GMDS: variants seen among roughly 807,000 people sequenced by gnomAD.
The protein encoded by GMDS is GDP-mannose 4,6 dehydratase.
A neutral mutation model predicts 49.9 loss-of-function variants in GMDS; 20 were observed. The observed-to-expected ratio is 0.40, with a 90% CI of 0.28 to 0.58. GMDS has a LOEUF of 0.58. Among genes scored for constraint, GMDS ranks in the 20% least tolerant of loss-of-function variants. The pLI, the probability that GMDS is intolerant of heterozygous loss-of-function variation, is 0.42. For synonymous variants in GMDS, 177 were observed against 178.6 expected, an observed-to-expected ratio of 0.99 and a Z score of 0.07; for missense variants, 362 against 481.4, an observed-to-expected ratio of 0.75 and a Z score of 2.32.
intron 7 of GMDS, among the ~76,000 whole-genome samples, chr6:1,794,737 C>G (rs1335386506): frequency 1.3e-5 from 2 of 152,174 alleles, no homozygotes; most frequent in Non-Finnish European, 2.9e-5. Flanking sequence ...TATATGTGTA[C>G]TATTCGGGAC....
intron 1 of GMDS, among the ~76,000 whole-genome samples, chr6:2,223,659 T>C (rs1290986956): frequency 6.6e-6 from 1 of 152,082 alleles, no homozygotes; most frequent in African/African-American, 2.4e-5. Flanking sequence ...GACGATAGGA[T>C]GACTCCAAGA....
rs6934835 is a variant in GMDS at position 1,783,330 on chromosome 6, C to T, written c.772-40744G>A. ...GGGAGATCTTGCTCCTGAGGTTCCA[C>T]GGGGTGCAGGTGCAAGTCTTAATGG... On this transcript the variant is annotated intron_variant, in intron 7 of 10. Coordinates refer to ENST00000380815, the MANE Select transcript of GMDS (RefSeq NM_001500.4). Among the ~76,000 whole-genome samples, 92 of 152,270 alleles carry T rather than the reference C, an allele frequency of 6.0e-4. No individual in the cohort carries two copies. In the East Asian group the frequency reaches 0.013, roughly 22 times the overall value.
At chr6:2,091,500 TC>T (rs1225887333) in intron 4 of GMDS, among the ~76,000 whole-genome samples, 2 of 152,174 alleles carry the variant, frequency 1.3e-5, no homozygotes, top group Non-Finnish European at 2.9e-5. Context: ...ATAAGTTTAG[TC>T]ACTAGAACAA....
chr6:2,017,997 A>T (rs1002762228), intron 4 of GMDS, among the ~76,000 whole-genome samples: 2 of 152,212 alleles, frequency 1.3e-5, no homozygotes, highest in African/African-American at 4.8e-5. Context: ...AATAATTTTT[A>T]AATTTAAAAT....
intron 4 of GMDS, among the ~76,000 whole-genome samples, chr6:1,999,308 G>A (rs185098306): frequency 0.012 from 1,400 of 116,006 alleles, 8 homozygotes; most frequent in Non-Finnish European, 0.018. Flanking sequence ...GTGACAGAGC[G>A]AGACTCTGTC....
At chr6:2,204,163 A>G (rs2127578515) in intron 1 of GMDS, among the ~76,000 whole-genome samples, 1 of 152,164 alleles carries the variant, frequency 6.6e-6, no homozygotes, top group Admixed American at 6.5e-5. Flanking sequence ...ATCAATCACC[A>G]CAGCTGTGGG....
At position 2,138,119 on chromosome 6, in the gene GMDS, C is replaced by A. The variant is rs1020613918; in HGVS notation, c.103-13388G>T. Among the ~76,000 whole-genome samples, 13 of 152,240 alleles carry A rather than the reference C, an allele frequency of 8.5e-5. No homozygotes were observed. The East Asian group carries it at 2.5e-3, about 29-fold the overall frequency. On this transcript the variant is annotated intron_variant, in intron 1 of 10. Transcript: ENST00000380815. ...ATGTTCTTAAAACATTCAAAAATAT[C>A]TCTGCCACAAATCTGTTATTTTTGG...
chr6:1,886,067 C>A (rs1759593049), intron 7 of GMDS, among the ~76,000 whole-genome samples: 2 of 152,154 alleles, frequency 1.3e-5, no homozygotes, highest in African/African-American at 2.4e-5. Flanking sequence ...GGTCATTTGT[C>A]TGAGAAAAGA....
At chr6:1,892,102 A>C (rs924923958) in intron 7 of GMDS, among the ~76,000 whole-genome samples, 4 of 152,204 alleles carry the variant, frequency 2.6e-5, no homozygotes, top group Non-Finnish European at 4.4e-5. Context: ...CCCACATAAC[A>C]GAAACAACAT....
At chr6:1,911,033 G>A (rs950613414) in intron 7 of GMDS, among the ~76,000 whole-genome samples, 2 of 152,150 alleles carry the variant, frequency 1.3e-5, no homozygotes, top group African/African-American at 4.8e-5. Context: ...CCACAGCCTG[G>A]ACCCTACAGT....
At chr6:2,195,345 CAA>C (rs201627347) in intron 1 of GMDS, among the ~76,000 whole-genome samples, 2 of 130,978 alleles carry the variant, frequency 1.5e-5, no homozygotes, top group Admixed American at 7.5e-5. Context: ...GCTATCAGGC[CAA>C]AAAAAAAAAA....
intron 9 of GMDS, among the ~76,000 whole-genome samples, chr6:1,642,062 A>G (rs1421076958): frequency 6.7e-6 from 1 of 148,876 alleles, no homozygotes; most frequent in Non-Finnish European, 1.5e-5. Context: ...TCTCCTTTTC[A>G]TCCTGTCCTC....
intron 1 of GMDS, among the ~76,000 whole-genome samples, chr6:2,170,947 A>T (rs879887729): frequency 2.6e-5 from 4 of 152,080 alleles, no homozygotes; most frequent in Non-Finnish European, 5.9e-5. Flanking sequence ...GTGAGCCGAG[A>T]TTGCACCACT....
chr6:1,797,955 T>A (rs1196658031), intron 7 of GMDS, among the ~76,000 whole-genome samples: 1 of 152,246 alleles, frequency 6.6e-6, no homozygotes, highest in Non-Finnish European at 1.5e-5. Context: ...CAGTTTTGTC[T>A]CTGACTCATT....
intron 9 of GMDS, among the ~76,000 whole-genome samples, chr6:1,658,247 C>T (rs1763954781): frequency 6.6e-6 from 1 of 152,262 alleles, no homozygotes; most frequent in African/African-American, 2.4e-5. Context: ...GATGAAAACA[C>T]CAGTCATCAC....
intron 7 of GMDS, among the ~76,000 whole-genome samples, chr6:1,746,777 C>T (rs556206330): frequency 9.9e-5 from 15 of 152,100 alleles, no homozygotes; most frequent in Non-Finnish European, 1.5e-4. Flanking sequence ...TCTCGGCTCA[C>T]TGCAACCTCC....
chr6:1,921,068 T>G (rs769530913), intron 7 of GMDS, among the ~76,000 whole-genome samples: 1 of 152,152 alleles, frequency 6.6e-6, no homozygotes, highest in Non-Finnish European at 1.5e-5. Flanking sequence ...TTGCTACCCA[T>G]TAGAACTTAA....
At chr6:1,882,315 T>C (rs1018649296) in intron 7 of GMDS, among the ~76,000 whole-genome samples, 2 of 152,234 alleles carry the variant, frequency 1.3e-5, no homozygotes, top group Non-Finnish European at 2.9e-5. Context: ...AAAATGGATA[T>C]ATAATATTGC....
intron 1 of GMDS, among the ~76,000 whole-genome samples, chr6:2,239,596 A>C (rs1781518055): frequency 6.6e-6 from 1 of 152,224 alleles, no homozygotes; most frequent in Non-Finnish European, 1.5e-5. Flanking sequence ...TCTGATTCCC[A>C]GTCCAGAGCT....
Sources: gnomAD v4.1 joint callset for allele counts (sites outside exome capture counted in the v4.1 genomes callset) on GRCh38, gnomAD v4.1.1 for gene constraint, MANE v1.5 for transcripts, NCBI Gene and HGNC (gene_info 2026-07-23, HGNC 2026-07-21) for gene names.